The following SLC32A1 variants were observed in gnomAD, a reference collection of about 807,000 sequenced individuals.
The protein encoded by SLC32A1 is vesicular inhibitory amino acid transporter.
A neutral mutation model predicts 35.5 loss-of-function variants in SLC32A1; 8 were observed. The observed-to-expected ratio is 0.23, with a 90% CI of 0.13 to 0.41. The LOEUF (loss-of-function observed/expected upper bound fraction) is 0.41, where lower values mean the gene tolerates loss of function less well. SLC32A1 is among the 10% of genes least tolerant of loss of function. The pLI is 1.00. For synonymous variants in SLC32A1, 317 were observed against 326.3 expected, an observed-to-expected ratio of 0.97 and a Z score of 0.31; for missense variants, 493 against 722.3, an observed-to-expected ratio of 0.68 and a Z score of 3.64.
At position 38,724,525 on chromosome 20, in the gene SLC32A1, G is replaced by A. The variant is rs1024708830; in HGVS notation, c.-200G>A. The A allele has an allele frequency of 7.5e-5, 49 of 656,996 alleles. No homozygotes were observed. Among genetic ancestry groups the A allele is most frequent in the Non-Finnish European group, 1.1e-4 (47 of 409,522 alleles). The allele number at this position is 656,996 out of a possible 1,614,324, so 40.7% of individuals were successfully genotyped here. A position where few individuals can be genotyped will look rare whatever the true frequency, so the allele number is the denominator to read the frequency against. On this transcript the variant is annotated 5_prime_UTR_variant, in exon 1 of 2. Transcript: ENST00000217420. ...CACCGCCGCCGCCGCCGCTCCGCCAGACCTGCTGCCAGCTTGCCCGGTCCA... is the reference window on the plus strand; with the variant it reads ...CACCGCCGCCGCCGCCGCTCCGCCAAACCTGCTGCCAGCTTGCCCGGTCCA...
chr20:38,728,396 C>T lies in SLC32A1; in HGVS notation c.1335C>T (p.Leu445=). Residue 445 remains leucine (L), a synonymous_variant, in exon 2 of 2, where the codon CTC becomes CTT. Transcript: ENST00000217420. The part of the protein sequence containing the change: ...LRCALVVFTL[L]MAIYVPHFAL... Reference sequence around the variant, plus strand: ...GCGCGCTCGTCGTCTTCACGCTGCTCATGGCCATTTATGTGCCGCACTTCG... The same window carrying T: ...GCGCGCTCGTCGTCTTCACGCTGCTTATGGCCATTTATGTGCCGCACTTCG... 2 of 1,610,888 alleles carry T rather than the reference C, an allele frequency of 1.2e-6. No individual in the cohort carries two copies. Among genetic ancestry groups the T allele is most frequent in the Non-Finnish European group, 1.7e-6 (2 of 1,178,986 alleles).
In SLC32A1 at chr20:38,728,546, C is replaced by T; in HGVS notation, c.1485C>T (p.Ala495=). The change falls in exon 2 of 2, where the codon GCC becomes GCT. Residue 495 remains alanine, a synonymous_variant. Coordinates refer to ENST00000217420, the MANE Select transcript of SLC32A1 (RefSeq NM_080552.3). The part of the protein sequence containing the change: ...LLWHQVFFDV[A]IFVIGGICSV... ...GGCACCAAGTCTTCTTCGACGTCGCCATCTTCGTCATCGGCGGCATCTGCA... is the reference window on the plus strand; with the variant it reads ...GGCACCAAGTCTTCTTCGACGTCGCTATCTTCGTCATCGGCGGCATCTGCA... 1 of 1,613,536 alleles carries T rather than the reference C, an allele frequency of 6.2e-7. No individual in the cohort carries two copies. Among genetic ancestry groups the T allele is most frequent in the Non-Finnish European group, 8.5e-7 (1 of 1,179,954 alleles).
At position 38,724,526 on chromosome 20, in the gene SLC32A1, A is replaced by T. The variant is rs1348784989; in HGVS notation, c.-199A>T. On this transcript the variant is annotated 5_prime_UTR_variant, in exon 1 of 2. Transcript: ENST00000217420. Reference sequence around the variant, plus strand: ...ACCGCCGCCGCCGCCGCTCCGCCAGACCTGCTGCCAGCTTGCCCGGTCCAG... The same window carrying T: ...ACCGCCGCCGCCGCCGCTCCGCCAGTCCTGCTGCCAGCTTGCCCGGTCCAG... 3.1e-6 allele frequency: 2 copies of T among 655,296 alleles called. No individual in the cohort carries two copies. The highest frequency in any genetic ancestry group is 2.5e-6 in the Non-Finnish European group (1 of 408,106). 40.6% of individuals were successfully genotyped at this position (655,296 alleles called of 1,614,324 possible).
In SLC32A1 at chr20:38,727,436, CCT is replaced by C. The variant is rs755292438; in HGVS notation, c.391-12_391-11del. The C allele has an allele frequency of 1.3e-5, 20 of 1,598,806 alleles. No individual in the cohort carries two copies. The highest frequency in any genetic ancestry group is 1.5e-5 in the Non-Finnish European group (18 of 1,172,914). On this transcript the variant is annotated splice_polypyrimidine_tract_variant and intron_variant, in intron 1 of 1. Transcript: ENST00000217420. Reference sequence around the variant, plus strand: ...TTCGCTGAGCGTCCGCGTCTGGTTGCCTCTCCGCCCCACAGGGCATGTTCGTG... The same window carrying C: ...TTCGCTGAGCGTCCGCGTCTGGTTGCCTCCGCCCCACAGGGCATGTTCGTG...
At position 38,728,730 on chromosome 20, in the gene SLC32A1, C is replaced by A; in HGVS notation, c.*91C>A. The A allele has an allele frequency of 1.9e-6, 2 of 1,057,756 alleles. No individual in the cohort carries two copies. The highest frequency in any genetic ancestry group is 2.6e-6 in the Non-Finnish European group (2 of 783,388). 65.5% of individuals were successfully genotyped at this position (1,057,756 alleles called of 1,614,324 possible). The stretch of plus-strand genomic sequence containing the variant: ...CAGCCCAGTGCGCCCTGCCGCCGCG[C>A]TTGGGAGGCCAAGCTTTAAACATCT... On this transcript the variant is annotated 3_prime_UTR_variant, in exon 2 of 2. Coordinates refer to ENST00000217420, the MANE Select transcript of SLC32A1 (RefSeq NM_080552.3).
At chr20:38,725,551 C>A (rs924842585) in intron 1 of SLC32A1, among the ~76,000 whole-genome samples, 5 of 152,228 alleles carry the variant, frequency 3.3e-5, no homozygotes, top group South Asian at 4.1e-4. Flanking sequence ...CCCGCACACA[C>A]GCATAGACAC....
chr20:38,728,823 G>A lies in SLC32A1; in HGVS notation c.*184G>A, dbSNP rs1297506363. 10 of 605,296 alleles carry A rather than the reference G, an allele frequency of 1.7e-5. No individual in the cohort carries two copies. Among genetic ancestry groups the A allele is most frequent in the Non-Finnish European group, 2.5e-5 (9 of 353,178 alleles). 37.5% of individuals were successfully genotyped at this position (605,296 alleles called of 1,614,324 possible). On this transcript the variant is annotated 3_prime_UTR_variant, in exon 2 of 2. Transcript: ENST00000217420. ...AGGGGACAGGGATTCACGATCCATC[G>A]CGTCTGCGTTTCTGTTGTCCTTTCT...
Sources: allele counts gnomAD v4.1 joint callset (sites outside exome capture counted in the v4.1 genomes callset), GRCh38; gene constraint gnomAD v4.1.1; transcripts MANE v1.5; gene names NCBI Gene and HGNC (gene_info 2026-07-23, HGNC 2026-07-21).